Variants in GRIP1 observed in about 807,000 individuals in gnomAD.
GRIP1 encodes the protein glutamate receptor-interacting protein 1.
Under a neutral mutation model 129.9 loss-of-function variants are expected in GRIP1, and 45 were observed. The observed-to-expected ratio is 0.35, with a 90% CI of 0.27 to 0.44. The LOEUF is 0.44. Ranked by LOEUF, GRIP1 falls within the 20% of genes least tolerant of loss-of-function variation. The probability of loss-of-function intolerance (pLI) is 1.00; values close to 1 mark genes in which losing one functional copy is unlikely to be tolerated. For synonymous variants in GRIP1, 530 were observed against 520.8 expected (o/e 1.02, Z -0.24); for missense variants, 1,196 against 1,396.8 (o/e 0.86, Z 2.29).
intron 1 of GRIP1, among the ~76,000 whole-genome samples, chr12:66,986,209 A>C (rs2042308510): frequency 6.6e-6 from 1 of 152,184 alleles, no homozygotes; most frequent in Admixed American, 6.6e-5. Context: ...GAGAAATAGG[A>C]ACACTTTTAC....
chr12:66,381,962 G>A (rs1048550476), intron 19 of GRIP1, among the ~76,000 whole-genome samples: 3 of 152,184 alleles, frequency 2.0e-5, no homozygotes, highest in Non-Finnish European at 2.9e-5. Flanking sequence ...GACCAGGTGC[G>A]GTGGCTCACG....
chr12:66,575,862 C>T (rs1486038289), intron 2 of GRIP1, among the ~76,000 whole-genome samples: 1 of 152,142 alleles, frequency 6.6e-6, no homozygotes, highest in East Asian at 1.9e-4. Flanking sequence ...AAAGGATTGA[C>T]TTTAAGGTTA....
At chr12:66,873,516 G>A (rs1014028938) in intron 1 of GRIP1, among the ~76,000 whole-genome samples, 5 of 152,020 alleles carry the variant, frequency 3.3e-5, no homozygotes, top group African/African-American at 7.2e-5. Flanking sequence ...TATAGATCTC[G>A]AAAGGGTATG....
intron 1 of GRIP1, among the ~76,000 whole-genome samples, chr12:66,811,650 TCCTTC>T (rs1365144324): frequency 5.3e-5 from 8 of 152,074 alleles, no homozygotes; most frequent in African/African-American, 1.7e-4. Flanking sequence ...CTTCCCTCCC[TCCTTC>T]CCTTCTTTCT....
chr12:66,533,561 C>G (rs533643124), intron 4 of GRIP1, among the ~76,000 whole-genome samples: 11 of 152,152 alleles, frequency 7.2e-5, no homozygotes, highest in African/African-American at 2.6e-4. Context: ...AGGAGAATTG[C>G]TTGAATCTGA....
Position 66,455,500 on chromosome 12 carries a change from G to A in GRIP1, c.1263C>T (p.Asn421=), listed in dbSNP as rs754923874. The change falls in exon 11 of 25, where the codon AAC becomes AAT. Residue 421 remains asparagine (N), a synonymous_variant. Coordinates refer to ENST00000359742, the MANE Select transcript of GRIP1 (RefSeq NM_001366722.1). The part of the protein sequence containing the change: ...SMSAYSLSSL[N]MGTLPRSLYS... ...AGAGGCTTCGAGGTAGAGTCCCCAT[G>A]TTCAGGGAACTCAGGCTGTATGCAC... 7 of 1,612,076 alleles carry A rather than the reference G, an allele frequency of 4.3e-6. No homozygotes were observed. The highest frequency in any genetic ancestry group is 5.9e-6 in the Non-Finnish European group (7 of 1,178,210).
chr12:66,486,799 T>C lies in GRIP1; in HGVS notation c.725-21377A>G, dbSNP rs58472310. On this transcript the variant is annotated intron_variant, in intron 7 of 24. Coordinates refer to ENST00000359742, the MANE Select transcript of GRIP1 (RefSeq NM_001366722.1). ...AAGAAAAAGCAGGTCTCAATTTTTT[T>C]TTTTTTTTTGAGTGAGGGTCTCACT... 4.4e-3 allele frequency among the ~76,000 whole-genome samples: 310 copies of C among 70,238 alleles called. 1 individual carries two copies. The highest frequency in any genetic ancestry group is 7.7e-3 in the Non-Finnish European group (264 of 34,224). The allele number at this position is 70,238 out of a possible 152,430, so 46.1% of individuals were successfully genotyped here. A position where few individuals can be genotyped will look rare whatever the true frequency, so the allele number is the denominator to read the frequency against.
At chr12:66,390,188 G>C (rs192074744) in intron 19 of GRIP1, among the ~76,000 whole-genome samples, 16 of 152,312 alleles carry the variant, frequency 1.1e-4, no homozygotes, top group African/African-American at 3.8e-4. Flanking sequence ...GCAGGACCTG[G>C]CACCAAGGGC....
chr12:67,022,277 G>A (rs1208407423), intron 1 of GRIP1, among the ~76,000 whole-genome samples: 1 of 152,110 alleles, frequency 6.6e-6, no homozygotes, highest in African/African-American at 2.4e-5. Context: ...ATTCTTTATA[G>A]TGGCTGTGCA....
intron 1 of GRIP1, among the ~76,000 whole-genome samples, chr12:66,721,085 T>A (rs1419646419): frequency 6.6e-6 from 1 of 152,204 alleles, no homozygotes; most frequent in African/African-American, 2.4e-5. Flanking sequence ...ACAGAATGGA[T>A]GTTGTGTTAG....
upstream of GRIP1, among the ~76,000 whole-genome samples, chr12:66,680,367 C>G (rs2034537379): frequency 6.6e-6 from 1 of 152,036 alleles, no homozygotes; most frequent in Admixed American, 6.6e-5. Context: ...TATTTTGAGT[C>G]CAATAGAAAA....
At chr12:66,963,173 G>T (rs953434774) in intron 1 of GRIP1, among the ~76,000 whole-genome samples, 21 of 152,156 alleles carry the variant, frequency 1.4e-4, no homozygotes, top group African/African-American at 5.1e-4. Context: ...ACATTAGCCA[G>T]GTGTGGTGGC....
intron 1 of GRIP1, among the ~76,000 whole-genome samples, chr12:66,895,141 A>G (rs1275718074): frequency 2.6e-5 from 4 of 152,234 alleles, no homozygotes; most frequent in Non-Finnish European, 4.4e-5. Context: ...TGGATTGTTC[A>G]GATGCCCTTT....
rs191606448 is a variant in GRIP1 at position 66,587,822 on chromosome 12, A to G, written c.136+9025T>C. Among the ~76,000 whole-genome samples the G allele has an allele frequency of 9.9e-3, 1,504 of 152,316 alleles. 25 individuals are homozygous for G. The highest frequency in any genetic ancestry group is 0.013 in the Non-Finnish European group (898 of 68,020). On this transcript the variant is annotated intron_variant, in intron 2 of 24. Coordinates refer to ENST00000359742, the MANE Select transcript of GRIP1 (RefSeq NM_001366722.1). The stretch of plus-strand genomic sequence containing the variant: ...TCCGTGCAGAAGGCAGAGGGGTTCC[A>G]GGGGTGCAATCAAACTGCTAAAGAG...
intron 1 of GRIP1, among the ~76,000 whole-genome samples, chr12:67,056,355 G>A (rs1223979925): frequency 6.6e-6 from 1 of 152,192 alleles, no homozygotes; most frequent in East Asian, 1.9e-4. Flanking sequence ...TTAACCACTT[G>A]TCTGGTGCCT....
chr12:66,620,333 TTATGAA>T, intron 1 of GRIP1, among the ~76,000 whole-genome samples: 1 of 152,286 alleles, frequency 6.6e-6, no homozygotes, highest in Admixed American at 6.5e-5. Context: ...TCAATGTTAG[TTATGAA>T]GACACATGGA....
intron 1 of GRIP1, among the ~76,000 whole-genome samples, chr12:66,941,819 T>C (rs2041591118): frequency 6.6e-6 from 1 of 152,240 alleles, no homozygotes; most frequent in Admixed American, 6.5e-5. Flanking sequence ...TGTTCTGACA[T>C]ATCTAGCACT....
intron 4 of GRIP1, 132 bp downstream of exon 4, chr12:66,538,946 A>G (rs2061687746): frequency 1.3e-6 from 1 of 757,668 alleles, no homozygotes; most frequent in African/African-American, 1.7e-5. Context: ...TTATCAATTA[A>G]ACTTTATCAT....
chr12:66,598,383 A>C (rs2064138903), intron 1 of GRIP1, among the ~76,000 whole-genome samples: 1 of 152,226 alleles, frequency 6.6e-6, no homozygotes, highest in Non-Finnish European at 1.5e-5. Context: ...AATTTTTTAT[A>C]TTCTTCCAAC....
Sources: gnomAD v4.1 joint callset for allele counts (sites outside exome capture counted in the v4.1 genomes callset) on GRCh38, gnomAD v4.1.1 for gene constraint, MANE v1.5 for transcripts, NCBI Gene and HGNC (gene_info 2026-07-23, HGNC 2026-07-21) for gene names.